The following CENPP variants were observed in gnomAD, a reference collection of about 807,000 sequenced individuals.
CENPP encodes centromere protein P.
In CENPP, 24 loss-of-function variants were observed where a neutral mutation model predicts 35.6. The ratio of observed to expected loss-of-function variants is 0.67; its 90% CI spans 0.49 to 0.95. CENPP has a LOEUF of 0.95. CENPP is among the 40% of genes least tolerant of loss of function. The probability of loss-of-function intolerance (pLI) is 0.00; values close to 1 mark genes in which losing one functional copy is unlikely to be tolerated. For missense variants in CENPP, 332 were observed against 345.3 expected, an observed-to-expected ratio of 0.96 and a Z score of 0.31; for synonymous variants, 120 against 125.5, an observed-to-expected ratio of 0.96 and a Z score of 0.29.
At chr9:92,349,146 C>CT (rs200383889) in intron 4 of CENPP, among the ~76,000 whole-genome samples, 5,828 of 152,166 alleles carry the variant, frequency 0.038, 158 homozygotes, top group Non-Finnish European at 0.06. Flanking sequence ...TCTTTCATGC[C>CT]TTTTTTCCTT....
intron 5 of CENPP, among the ~76,000 whole-genome samples, chr9:92,501,601 G>T (rs746225992): frequency 2.0e-5 from 3 of 152,192 alleles, no homozygotes; most frequent in Admixed American, 2.0e-4. Flanking sequence ...TCTGGGGAAC[G>T]TGGTGAACTC....
chr9:92,457,417 C>G, intron 5 of CENPP: 1 of 1,613,874 alleles, frequency 6.2e-7, no homozygotes, highest in Non-Finnish European at 8.5e-7. Flanking sequence ...ATTTCTTCAT[C>G]TTTGGCACTG....
At chr9:92,342,270 A>G (rs555492894) in intron 3 of CENPP, among the ~76,000 whole-genome samples, 183 of 152,396 alleles carry the variant, frequency 1.2e-3, no homozygotes, top group East Asian at 3.9e-3. Context: ...ATGCTTGGCC[A>G]TATGGCCAGT....
chr9:92,474,548 A>G (rs952838000), intron 5 of CENPP: 16 of 1,521,808 alleles, frequency 1.1e-5, no homozygotes, highest in Middle Eastern at 3.6e-4. Flanking sequence ...TGAAATTTCA[A>G]TGAGACTTTT....
At chr9:92,390,201 G>A in intron 5 of CENPP, 1 of 567,760 alleles carries the variant, frequency 1.8e-6, no homozygotes, top group Non-Finnish European at 3.1e-6. Flanking sequence ...GCCCAGTAAA[G>A]TTTTGTGGAA....
At chr9:92,492,045 C>G (rs1042553614) in intron 5 of CENPP, among the ~76,000 whole-genome samples, 3 of 152,174 alleles carry the variant, frequency 2.0e-5, no homozygotes, top group Admixed American at 6.5e-5. Flanking sequence ...TGATCTTTCT[C>G]CTCTGAACTA....
intron 5 of CENPP, among the ~76,000 whole-genome samples, chr9:92,551,953 G>GAT (rs373483608): frequency 0.053 from 5,709 of 107,958 alleles, 621 homozygotes; most frequent in African/African-American, 0.11. Context: ...ATATATATAT[G>GAT]ATATATATAT....
intron 5 of CENPP, among the ~76,000 whole-genome samples, chr9:92,499,704 C>T (rs746782963): frequency 2.0e-5 from 3 of 152,210 alleles, no homozygotes; most frequent in Non-Finnish European, 4.4e-5. Flanking sequence ...ATCTCTTCCT[C>T]CAGTACCTTT....
intron 5 of CENPP, chr9:92,457,605 G>T: frequency 1.4e-6 from 1 of 712,350 alleles, no homozygotes; most frequent in Non-Finnish European, 2.3e-6. Context: ...TGGCTTGAAT[G>T]TATTTTCAGG....
At chr9:92,456,615 G>T (rs1269748805) in intron 5 of CENPP, 2 of 151,566 alleles carry the variant, frequency 1.3e-5, no homozygotes, top group Admixed American at 6.6e-5. Flanking sequence ...TTTAAATCAG[G>T]TAATAATTAA....
intron 5 of CENPP, among the ~76,000 whole-genome samples, chr9:92,564,858 T>C (rs1849928392): frequency 6.6e-6 from 1 of 152,208 alleles, no homozygotes; most frequent in Non-Finnish European, 1.5e-5. Flanking sequence ...ATTGATAGAC[T>C]CTTTATGTAG....
intron 4 of CENPP, among the ~76,000 whole-genome samples, chr9:92,372,436 C>G (rs1449069330): frequency 1.3e-5 from 2 of 151,938 alleles, no homozygotes; most frequent in Non-Finnish European, 2.9e-5. Flanking sequence ...TTGTTCCTGT[C>G]TTTTTCTCTT....
At position 92,388,160 on chromosome 9, in the gene CENPP, C is replaced by T. The variant is rs1842511252; in HGVS notation, c.564+8301C>T. Among the ~76,000 whole-genome samples, 3 of 151,690 alleles carry T rather than the reference C, an allele frequency of 2.0e-5. No homozygotes were observed. In the South Asian group the frequency reaches 6.3e-4, roughly 32 times the overall value. ...AATGTTCTTTTTGTGAAATGTTGAT[C>T]AGCTCCTTTTTTTTTGGAGACTGAA... is the stretch of plus-strand genomic sequence containing the variant. On this transcript the variant is annotated intron_variant, in intron 5 of 7. Coordinates refer to ENST00000375587, the MANE Select transcript of CENPP (RefSeq NM_001012267.3).
chr9:92,403,169 A>T, intron 5 of CENPP: 1 of 1,129,778 alleles, frequency 8.9e-7, no homozygotes, highest in Non-Finnish European at 1.2e-6. Flanking sequence ...CATTCAGGAA[A>T]AGCAAAAACA....
intron 5 of CENPP, among the ~76,000 whole-genome samples, chr9:92,492,006 C>T (rs532013009): frequency 2.0e-5 from 3 of 152,332 alleles, no homozygotes; most frequent in Admixed American, 1.3e-4. Context: ...GCTTCCCTCA[C>T]TGATTCACAT....
chr9:92,357,734 G>T (rs1167162438), intron 4 of CENPP, among the ~76,000 whole-genome samples: 1 of 152,060 alleles, frequency 6.6e-6, no homozygotes, highest in Non-Finnish European at 1.5e-5. Context: ...CCGACCTCAG[G>T]TGATCCTGCC....
chr9:92,505,749 T>G, intron 5 of CENPP: 1 of 1,404,372 alleles, frequency 7.1e-7, no homozygotes, highest in East Asian at 2.5e-5. Flanking sequence ...CAAATTTTTG[T>G]AGCCTTTTGA....
At position 92,502,644 on chromosome 9, in the gene CENPP, G is replaced by A. The variant is rs764699836; in HGVS notation, c.565-108670G>A. ...TTTCTTCAATTTGGTTATTTTCTAG[G>A]TATAATTCCTATAATTAAGAGAGAA... is the stretch of plus-strand genomic sequence containing the variant. On this transcript the variant is annotated intron_variant, in intron 5 of 7. Transcript: ENST00000375587. The A allele has an allele frequency of 3.2e-6, 5 of 1,572,248 alleles. No homozygotes were observed. In the East Asian group the frequency reaches 9.0e-5, roughly 28 times the overall value.
intron 5 of CENPP, among the ~76,000 whole-genome samples, chr9:92,401,659 G>A (rs1843115619): frequency 6.6e-6 from 1 of 152,016 alleles, no homozygotes; most frequent in African/African-American, 2.4e-5. Context: ...TCTCTTCTTG[G>A]GGTGACCCTT....
Sources: allele counts gnomAD v4.1 joint callset (sites outside exome capture counted in the v4.1 genomes callset), GRCh38; gene constraint gnomAD v4.1.1; transcripts MANE v1.5; gene names NCBI Gene and HGNC (gene_info 2026-07-23, HGNC 2026-07-21).